DEPDC1B: variants seen among roughly 807,000 people sequenced by gnomAD.
The protein encoded by DEPDC1B is DEP domain-containing protein 1B.
A neutral mutation model predicts 66.5 loss-of-function variants in DEPDC1B; 51 were observed. The ratio of observed to expected loss-of-function variants is 0.77; its 90% CI spans 0.61 to 0.97. DEPDC1B has a LOEUF of 0.97. DEPDC1B is among the 50% of genes least tolerant of loss of function. The pLI, the probability that DEPDC1B is intolerant of heterozygous loss-of-function variation, is 0.00. For synonymous variants in DEPDC1B, 226 were observed against 223.6 expected (o/e 1.01, Z -0.10); for missense variants, 552 against 637.1 (o/e 0.87, Z 1.44).
At chr5:60,679,440 TA>T (rs1311003152) in intron 2 of DEPDC1B, among the ~76,000 whole-genome samples, 1 of 150,120 alleles carries the variant, frequency 6.7e-6, no homozygotes, top group African/African-American at 2.5e-5. Flanking sequence ...ATTTTGAAAA[TA>T]GGCCAGAAAA....
intron 7 of DEPDC1B, among the ~76,000 whole-genome samples, chr5:60,612,183 G>A (rs1561357117): frequency 6.6e-6 from 1 of 152,118 alleles, no homozygotes; most frequent in Non-Finnish European, 1.5e-5. Context: ...AGCACTTTGG[G>A]AGGCTGAGGT....
chr5:60,620,647 C>T (rs1317084908), intron 7 of DEPDC1B, among the ~76,000 whole-genome samples: 2 of 152,132 alleles, frequency 1.3e-5, no homozygotes, highest in African/African-American at 4.8e-5. Flanking sequence ...ACAACAGGTG[C>T]TGGAGAGGAT....
rs535447179 is a variant in DEPDC1B, at chr5:60,615,471, C to A, written c.899-9615G>T. Among the ~76,000 whole-genome samples, 120 of 152,348 alleles carry A rather than the reference C, an allele frequency of 7.9e-4. 3 individuals are homozygous for A. In the South Asian group the frequency reaches 0.024, roughly 30 times the overall value. On this transcript the variant is annotated intron_variant, in intron 7 of 10. Transcript: ENST00000265036. ...CCTAATACTGCACTTTTCCAACAGT[C>A]TTAGCAAATGGCACACCAGGAGATT... is the stretch of plus-strand genomic sequence containing the variant.
chr5:60,640,454 C>A (rs1481246075), intron 6 of DEPDC1B, among the ~76,000 whole-genome samples: 1 of 152,104 alleles, frequency 6.6e-6, no homozygotes, highest in Non-Finnish European at 1.5e-5. Flanking sequence ...ATTTTTATGA[C>A]CTTTTCTTTC....
chr5:60,605,269 T>C (rs548612565), intron 8 of DEPDC1B, among the ~76,000 whole-genome samples: 3 of 152,122 alleles, frequency 2.0e-5, no homozygotes, highest in East Asian at 1.9e-4. Flanking sequence ...TAATAATATA[T>C]TGTATATTTC....
chr5:60,677,631 G>A (rs140576541), intron 2 of DEPDC1B, among the ~76,000 whole-genome samples: 1 of 152,088 alleles, frequency 6.6e-6, no homozygotes, highest in East Asian at 1.9e-4. Flanking sequence ...TGAACTCTGG[G>A]ACTCAAGCTA....
At position 60,698,270 on chromosome 5, in the gene DEPDC1B, C is replaced by T. The variant is rs915834362; in HGVS notation, c.48+1776G>A. 7.2e-5 allele frequency among the ~76,000 whole-genome samples: 11 copies of T among 152,350 alleles called. No homozygotes were observed. In the East Asian group the frequency reaches 2.1e-3, roughly 29 times the overall value. ...ATTCTTCCCATCCTCTCCACATGCA[C>T]CTCTGTGGCTTTGCCACCCTGCCCA... is the stretch of plus-strand genomic sequence containing the variant. On this transcript the variant is annotated intron_variant, in intron 1 of 10. Transcript: ENST00000265036.
chr5:60,599,294 G>A, intron 9 of DEPDC1B, 34 bp from the exon 10 acceptor site: 1 of 1,478,344 alleles, frequency 6.8e-7, no homozygotes, highest in Non-Finnish European at 9.1e-7. Flanking sequence ...AAAGAATATA[G>A]CATATTTTCA....
At chr5:60,691,854 T>G (rs1754553490) in intron 1 of DEPDC1B, among the ~76,000 whole-genome samples, 1 of 152,188 alleles carries the variant, frequency 6.6e-6, no homozygotes, top group Non-Finnish European at 1.5e-5. Flanking sequence ...CCAAAACATT[T>G]CAAGTCAAGA....
At chr5:60,646,057 G>A (rs1753309035) in intron 3 of DEPDC1B, among the ~76,000 whole-genome samples, 1 of 152,150 alleles carries the variant, frequency 6.6e-6, no homozygotes. Context: ...TTTTTTATAA[G>A]CAAATATCAA....
intron 3 of DEPDC1B, 23 bp downstream of exon 3, chr5:60,647,375 C>CATCTT: frequency 6.3e-7 from 1 of 1,574,824 alleles, no homozygotes; most frequent in East Asian, 2.4e-5. Flanking sequence ...CCAGCCCTTC[C>CATCTT]ATCTTTCAGT....
At chr5:60,692,716 C>T (rs1754574689) in intron 1 of DEPDC1B, among the ~76,000 whole-genome samples, 1 of 152,098 alleles carries the variant, frequency 6.6e-6, no homozygotes, top group African/African-American at 2.4e-5. Flanking sequence ...CCAAAAGACA[C>T]ATTGTTCATA....
chr5:60,682,969 CCAGA>C (rs1282386396), intron 2 of DEPDC1B, among the ~76,000 whole-genome samples: 2 of 152,056 alleles, frequency 1.3e-5, no homozygotes. Flanking sequence ...GATACCAAAA[CCAGA>C]CAAAGATACA....
intron 7 of DEPDC1B, among the ~76,000 whole-genome samples, chr5:60,618,302 G>A (rs1234617539): frequency 1.3e-5 from 2 of 152,088 alleles, no homozygotes; most frequent in African/African-American, 2.4e-5. Flanking sequence ...CAGAACTGAA[G>A]GAAATAGAGA....
intron 8 of DEPDC1B, among the ~76,000 whole-genome samples, chr5:60,604,968 G>C (rs943473677): frequency 6.6e-6 from 1 of 152,112 alleles, no homozygotes; most frequent in African/African-American, 2.4e-5. Flanking sequence ...GAATCCCCAG[G>C]GAGTACACGG....
intron 8 of DEPDC1B, among the ~76,000 whole-genome samples, chr5:60,605,412 ATTAG>A (rs578125054): frequency 1.2e-3 from 182 of 152,360 alleles, no homozygotes; most frequent in African/African-American, 4.1e-3. Context: ...ATATGCAATT[ATTAG>A]TTGTCAATTA....
chr5:60,687,059 C>T lies in DEPDC1B; in HGVS notation c.217G>A (p.Val73Ile). 1 of 1,614,210 alleles carries T rather than the reference C, an allele frequency of 6.2e-7. No individual in the cohort carries two copies. The highest frequency in any genetic ancestry group is 1.3e-5 in the African/African-American group (1 of 75,050). The change falls in exon 2 of 11, where the codon GTC becomes ATC. Residue 73 changes from valine to isoleucine, a missense_variant. Transcript: ENST00000265036. The part of the protein sequence containing the change: ...FGPEVTRKQT[V>I]QLLKKFLKNH... ...TTCAGGAATTTTTTTAGCAGCTGGA[C>T]CGTTTGTTTGCGGGTCACTTCAGGG...
At chr5:60,667,635 A>ATATGAAAAATGGATATTTTACATG (rs1753884013) in intron 2 of DEPDC1B, among the ~76,000 whole-genome samples, 1 of 135,316 alleles carries the variant, frequency 7.4e-6, no homozygotes, top group Non-Finnish European at 1.6e-5. Context: ...TATTTTACAT[A>ATATGAAAAATGGATATTTTACATG]TATGAAAAAT....
chr5:60,598,007 T>C, intron 10 of DEPDC1B, 93 bp from the exon 11 acceptor site: 1 of 1,113,946 alleles, frequency 9.0e-7, no homozygotes, highest in Non-Finnish European at 1.2e-6. Flanking sequence ...TGAGCCTGTA[T>C]TTTCCTGTTT....
Sources: allele counts gnomAD v4.1 joint callset (sites outside exome capture counted in the v4.1 genomes callset), GRCh38; gene constraint gnomAD v4.1.1; transcripts MANE v1.5; gene names NCBI Gene and HGNC (gene_info 2026-07-23, HGNC 2026-07-21).